The following RAB3GAP1 variants were observed in gnomAD, a reference collection of about 807,000 sequenced individuals.
RAB3GAP1 encodes the protein rab3 GTPase-activating protein catalytic subunit.
In RAB3GAP1, 86 loss-of-function variants were observed where a neutral mutation model predicts 130.7. The ratio of observed to expected loss-of-function variants is 0.66; its 90% CI spans 0.55 to 0.79. The LOEUF (loss-of-function observed/expected upper bound fraction) is 0.79. Ranked by LOEUF, RAB3GAP1 falls within the 30% of genes least tolerant of loss-of-function variation. The pLI, the probability that RAB3GAP1 is intolerant of heterozygous loss-of-function variation, is 0.00. For synonymous variants in RAB3GAP1, 367 were observed against 401.7 expected (o/e 0.91, Z 1.03); for missense variants, 1,029 against 1,169.4 (o/e 0.88, Z 1.75).
chr2:135,124,138 T>A (rs1392408433), intron 8 of RAB3GAP1, 27 bp from the exon 9 acceptor site: 1 of 1,598,564 alleles, frequency 6.3e-7, no homozygotes, highest in Admixed American at 1.7e-5. Context: ...TTTTCCCAAA[T>A]GATGGAAAAA....
intron 5 of RAB3GAP1, among the ~76,000 whole-genome samples, chr2:135,104,406 A>G (rs1690533008): frequency 1.3e-5 from 2 of 152,234 alleles, no homozygotes; most frequent in Admixed American, 1.3e-4. Context: ...AAAAAATAGT[A>G]GAAATGGACT....
In RAB3GAP1 at chr2:135,150,381, A is replaced by C. The variant is rs778336794; in HGVS notation, c.1936A>C (p.Met646Leu). The C allele has an allele frequency of 6.2e-7, 1 of 1,614,204 alleles. No homozygotes were observed. The highest frequency in any genetic ancestry group is 8.5e-7 in the Non-Finnish European group (1 of 1,180,040). ...TTGTGCTTCACAGGAACCAGCACCT[A>C]TGACAGAAGATCTGCTAGAAGAGCA... ...YIPVTQEPAP[M>L]TEDLLEEQSE... Residue 646 changes from methionine to leucine, a missense_variant, in exon 18 of 24, where the codon ATG (methionine) becomes CTG (leucine). Coordinates refer to ENST00000264158, the MANE Select transcript of RAB3GAP1 (RefSeq NM_012233.3).
chr2:135,128,622 G>A (rs1691422434), intron 11 of RAB3GAP1, among the ~76,000 whole-genome samples: 2 of 152,050 alleles, frequency 1.3e-5, no homozygotes, highest in African/African-American at 2.4e-5. Flanking sequence ...TTAGTTTAAC[G>A]TTCCATGATC....
chr2:135,070,035 G>T (rs1428382960), intron 3 of RAB3GAP1, among the ~76,000 whole-genome samples: 2 of 152,282 alleles, frequency 1.3e-5, no homozygotes, highest in East Asian at 3.9e-4. Context: ...GATGCCAATG[G>T]CCATAAAATG....
intron 4 of RAB3GAP1, among the ~76,000 whole-genome samples, chr2:135,091,517 T>A (rs1690140751): frequency 6.6e-6 from 1 of 152,186 alleles, no homozygotes; most frequent in Admixed American, 6.5e-5. Context: ...ATTAAGCAAG[T>A]AAGTTTGGCT....
At chr2:135,109,294 C>A (rs1329306760) in intron 5 of RAB3GAP1, among the ~76,000 whole-genome samples, 1 of 151,872 alleles carries the variant, frequency 6.6e-6, no homozygotes, top group African/African-American at 2.4e-5. Flanking sequence ...ATATTATCTT[C>A]CTATCCATGA....
chr2:135,129,231 C>A (rs1181139579), intron 11 of RAB3GAP1, among the ~76,000 whole-genome samples: 1 of 151,236 alleles, frequency 6.6e-6, no homozygotes, highest in Non-Finnish European at 1.5e-5. Flanking sequence ...GGCGGGCGGA[C>A]CATGAGGTCA....
rs748836230 is a variant in RAB3GAP1 at position 135,169,476 on chromosome 2, TCTTA to T, written c.*700_*703del. On this transcript the variant is annotated 3_prime_UTR_variant, in exon 24 of 24. Coordinates refer to ENST00000264158, the MANE Select transcript of RAB3GAP1 (RefSeq NM_012233.3). ...TTTTATATCTGTCATGTGAGATTTG[TCTTA>T]CTTATTTTTCTTTTGGTTGCCATGG... 2.6e-5 allele frequency: 5 copies of T among 188,952 alleles called. No homozygotes were observed. The highest frequency in any genetic ancestry group is 4.4e-5 in the Non-Finnish European group (4 of 90,266). 11.7% of individuals were successfully genotyped at this position (188,952 alleles called of 1,614,324 possible). A position where few individuals can be genotyped will look rare whatever the true frequency, so the allele number is the denominator to read the frequency against.
chr2:135,160,530 G>A lies in RAB3GAP1; in HGVS notation c.2290-2025G>A, dbSNP rs565549224. Among the ~76,000 whole-genome samples, 138 of 151,876 alleles carry A rather than the reference G, an allele frequency of 9.1e-4. 1 individual carries two copies. The highest frequency in any genetic ancestry group is 3.0e-3 in the African/African-American group (124 of 41,434). On this transcript the variant is annotated intron_variant, in intron 19 of 23. Coordinates refer to ENST00000264158, the MANE Select transcript of RAB3GAP1 (RefSeq NM_012233.3). ...TTACTAAAAATACAAAAATTGGCCG[G>A]GCAGTAGTGGCCATGTGCCTGTAGT...
At chr2:135,081,359 T>TATATATATATATATATAC (rs1553440468) in intron 3 of RAB3GAP1, among the ~76,000 whole-genome samples, 1 of 81,084 alleles carries the variant, frequency 1.2e-5, no homozygotes, top group Non-Finnish European at 2.1e-5. Flanking sequence ...TATATATATA[T>TATATATATATATATATAC]ATACACACAC....
At chr2:135,098,285 A>G (rs779899119) in intron 5 of RAB3GAP1, among the ~76,000 whole-genome samples, 3 of 152,120 alleles carry the variant, frequency 2.0e-5, no homozygotes, top group Non-Finnish European at 4.4e-5. Context: ...CTTTTTTATA[A>G]TGTGTGATTT....
intron 5 of RAB3GAP1, among the ~76,000 whole-genome samples, chr2:135,108,671 A>G (rs1276374388): frequency 1.3e-5 from 2 of 152,126 alleles, no homozygotes; most frequent in African/African-American, 4.8e-5. Context: ...TGTCTTTTGC[A>G]GAGCAAAAAT....
chr2:135,054,580 T>C (rs1439549336), intron 2 of RAB3GAP1, among the ~76,000 whole-genome samples: 1 of 152,186 alleles, frequency 6.6e-6, no homozygotes, highest in African/African-American at 2.4e-5. Context: ...TAAGGAAGTG[T>C]CAAAGTGAGA....
chr2:135,055,649 G>C (rs1246839467), intron 2 of RAB3GAP1, among the ~76,000 whole-genome samples: 1 of 147,400 alleles, frequency 6.8e-6, no homozygotes, highest in Admixed American at 6.8e-5. Flanking sequence ...CTGCATTCCA[G>C]CCTGGGTGAC....
intron 5 of RAB3GAP1, among the ~76,000 whole-genome samples, chr2:135,108,378 C>G (rs958386146): frequency 2.0e-5 from 3 of 152,116 alleles, no homozygotes; most frequent in African/African-American, 7.2e-5. Flanking sequence ...ATGAAACTCA[C>G]CCTAGTAGGT....
At chr2:135,135,192 G>GTATA (rs1241568048) in intron 15 of RAB3GAP1, 73 bp from the exon 16 acceptor site, 13 of 1,176,186 alleles carry the variant, frequency 1.1e-5, no homozygotes, top group Middle Eastern at 2.5e-4. Context: ...AATTATGGTA[G>GTATA]TATAGAAAAT....
intron 3 of RAB3GAP1, among the ~76,000 whole-genome samples, chr2:135,084,955 AAGAATGAGTTAAAAGT>A (rs1689932095): frequency 6.6e-6 from 1 of 152,364 alleles, no homozygotes; most frequent in African/African-American, 2.4e-5. Flanking sequence ...TTGAGTTTTG[AAGAATGAGTTAAAAGT>A]ATACTGAAAG....
intron 17 of RAB3GAP1, among the ~76,000 whole-genome samples, chr2:135,147,282 G>T (rs1197909687): frequency 2.0e-5 from 3 of 150,972 alleles, no homozygotes; most frequent in Non-Finnish European, 2.9e-5. Flanking sequence ...GGAGGTGAAG[G>T]TTACAGTGAG....
chr2:135,160,792 CAG>C (rs1558804769), intron 19 of RAB3GAP1, among the ~76,000 whole-genome samples: 3 of 149,352 alleles, frequency 2.0e-5, no homozygotes, highest in African/African-American at 7.4e-5. Flanking sequence ...TGTATATAAT[CAG>C]AATCATTTGC....
Sources: allele counts gnomAD v4.1 joint callset (sites outside exome capture counted in the v4.1 genomes callset), GRCh38; gene constraint gnomAD v4.1.1; transcripts MANE v1.5; gene names NCBI Gene and HGNC (gene_info 2026-07-23, HGNC 2026-07-21).